ADCY1: variants seen among roughly 807,000 people sequenced by gnomAD.
ADCY1 encodes the protein adenylate cyclase type 1.
In ADCY1, 28 loss-of-function variants were observed where a neutral mutation model predicts 105.4. The ratio of observed to expected loss-of-function variants is 0.27; its 90% confidence interval spans 0.20 to 0.36. The LOEUF (loss-of-function observed/expected upper bound fraction) is 0.36, where lower values mean the gene tolerates loss of function less well. Among genes scored for constraint, ADCY1 ranks in the 10% least tolerant of loss-of-function variants. The probability of loss-of-function intolerance (pLI) is 1.00; values close to 1 mark genes in which losing one functional copy is unlikely to be tolerated. For synonymous variants in ADCY1, 655 were observed against 623.8 expected, an observed-to-expected ratio of 1.05 and a Z score of -0.75; for missense variants, 977 against 1,434.2, an observed-to-expected ratio of 0.68 and a Z score of 5.15.
chr7:45,630,708 C>T (rs1794221809), intron 4 of ADCY1, among the ~76,000 whole-genome samples: 1 of 152,184 alleles, frequency 6.6e-6, no homozygotes, highest in Non-Finnish European at 1.5e-5. Flanking sequence ...CCTCCTGCCT[C>T]ATTTTTATAA....
chr7:45,677,827 G>A, intron 8 of ADCY1, 42 bp from the exon 9 acceptor site: 1 of 1,588,424 alleles, frequency 6.3e-7, no homozygotes, highest in Non-Finnish European at 8.6e-7. Context: ...TTCAATAAGT[G>A]GAGAATTTGA....
rs938254758 is a variant in ADCY1, at chr7:45,686,659, C to T, written c.2440C>T (p.Leu814Phe). Residue 814 changes from leucine to phenylalanine, a missense_variant, in exon 14 of 20, where the codon CTC becomes TTC. Transcript: ENST00000297323. The surrounding 1 kb of genome is among the most constrained non-coding windows in gnomAD (Gnocchi z 4.3). The stretch of plus-strand genomic sequence containing the variant: ...GGACATCAGGCTGAGGCTGGACTAC[C>T]TCTGGGCCGCACAGGCAAGACGAGC... The part of the protein sequence containing the change: ...QVDIRLRLDY[L>F]WAAQAEEERE... 4 of 1,610,570 alleles carry T rather than the reference C, an allele frequency of 2.5e-6. No individual in the cohort carries two copies. In the African/African-American group the frequency reaches 4.0e-5, roughly 16 times the overall value.
chr7:45,629,612 G>A (rs978796063), intron 4 of ADCY1, among the ~76,000 whole-genome samples: 6 of 150,758 alleles, frequency 4.0e-5, no homozygotes, highest in Admixed American at 6.7e-5. Context: ...TCCGCTTCCC[G>A]GGTTCACGCC....
intron 1 of ADCY1, among the ~76,000 whole-genome samples, chr7:45,583,297 A>G (rs1792618366): frequency 6.6e-6 from 1 of 152,206 alleles, no homozygotes; most frequent in Non-Finnish European, 1.5e-5. Context: ...GAGCATTGGT[A>G]ACATTTAGAG....
rs1785506318 is a variant in ADCY1, at chr7:45,723,046, A to G, written c.*9051A>G. On this transcript the variant is annotated 3_prime_UTR_variant, in exon 20 of 20. Coordinates refer to ENST00000297323, the MANE Select transcript of ADCY1 (RefSeq NM_021116.4). The stretch of plus-strand genomic sequence containing the variant: ...TACATTTCTTAATTGCAACTTTTCT[A>G]CTGAGTGTTTGCACTATACTTTCTG... The G allele has an allele frequency of 6.6e-6, 1 of 152,612 alleles. No homozygotes were observed. Among genetic ancestry groups the G allele is most frequent in the African/African-American group, 2.4e-5 (1 of 41,448 alleles). 9.5% of individuals were successfully genotyped at this position (152,612 alleles called of 1,614,324 possible). A position where few individuals can be genotyped will look rare whatever the true frequency, so the allele number is the denominator to read the frequency against.
chr7:45,622,885 T>TG, intron 4 of ADCY1, 142 bp downstream of exon 4: 1 of 675,364 alleles, frequency 1.5e-6, no homozygotes, highest in Non-Finnish European at 2.5e-6. Context: ...AATCACCTGT[T>TG]GTTTTTAGCC....
rs116869056 is a variant in ADCY1, at chr7:45,670,636, G to A, written c.1606-7233G>A. ...TGTGTCCATCATTCCCTGATCCAGG[G>A]TGGACCTGTGTCCATCATTTTCTCA... is the stretch of plus-strand genomic sequence containing the variant. On this transcript the variant is annotated intron_variant, in intron 8 of 19. Coordinates refer to ENST00000297323, the MANE Select transcript of ADCY1 (RefSeq NM_021116.4). Among the ~76,000 whole-genome samples, 163 of 152,078 alleles carry A rather than the reference G, an allele frequency of 1.1e-3. 2 individuals are homozygous for A. In the East Asian group the frequency reaches 0.025, roughly 23 times the overall value.
intron 3 of ADCY1, among the ~76,000 whole-genome samples, chr7:45,619,309 G>A (rs1404833968): frequency 6.6e-6 from 1 of 152,080 alleles, no homozygotes; most frequent in African/African-American, 2.4e-5. Flanking sequence ...CATGTAGGGT[G>A]ACTATAGTAA....
rs544038944 is a variant in ADCY1, at chr7:45,622,661, C to T, written c.938C>T (p.Thr313Met). The change falls in exon 4 of 20, where the codon ACG becomes ATG. Residue 313 changes from threonine to methionine, a missense_variant. Coordinates refer to ENST00000297323, the MANE Select transcript of ADCY1 (RefSeq NM_021116.4). Reference sequence around the variant, plus strand: ...CTGTTTGCTGACATCGTGGGTTTCACGGGCTTGGCATCCCAGTGCACAGCC... The same window carrying T: ...CTGTTTGCTGACATCGTGGGTTTCATGGGCTTGGCATCCCAGTGCACAGCC... ...SILFADIVGF[T>M]GLASQCTAQE... The T allele has an allele frequency of 1.2e-6, 2 of 1,614,140 alleles. No individual in the cohort carries two copies. Among genetic ancestry groups the T allele is most frequent in the South Asian group, 1.1e-5 (1 of 91,070 alleles).
intron 14 of ADCY1, among the ~76,000 whole-genome samples, chr7:45,694,017 A>T (rs1784830175): frequency 7.7e-6 from 1 of 130,560 alleles, no homozygotes; most frequent in Non-Finnish European, 1.6e-5. Context: ...CTAATGCTAG[A>T]TGACACATTA....
At chr7:45,706,813 A>T (rs1165522391) in intron 17 of ADCY1, among the ~76,000 whole-genome samples, 1 of 152,216 alleles carries the variant, frequency 6.6e-6, no homozygotes, top group Non-Finnish European at 1.5e-5. Context: ...CCTATCTGAT[A>T]AAGGACTTGT....
At chr7:45,695,120 A>C (rs1784855230) in intron 14 of ADCY1, among the ~76,000 whole-genome samples, 1 of 152,366 alleles carries the variant, frequency 6.6e-6, no homozygotes, top group East Asian at 1.9e-4. Flanking sequence ...CTCTCCCAGC[A>C]GTATGCTGGG....
chr7:45,651,364 G>A (rs1794806364), intron 5 of ADCY1, among the ~76,000 whole-genome samples: 1 of 152,230 alleles, frequency 6.6e-6, no homozygotes, highest in Non-Finnish European at 1.5e-5. Flanking sequence ...GCCACATTGG[G>A]CTGTGTGTGT....
chr7:45,601,512 C>T (rs1315233228), intron 2 of ADCY1, among the ~76,000 whole-genome samples: 7 of 152,074 alleles, frequency 4.6e-5, no homozygotes, highest in Non-Finnish European at 1.0e-4. Context: ...ACTGCCACAA[C>T]TTTAGAGGCC....
chr7:45,693,665 C>T (rs910503681), intron 14 of ADCY1, among the ~76,000 whole-genome samples: 18 of 151,586 alleles, frequency 1.2e-4, no homozygotes, highest in African/African-American at 3.4e-4. Flanking sequence ...AACATGCACA[C>T]GTATGTTTAT....
Position 45,708,374 on chromosome 7 carries a change from C to T in ADCY1, c.2842C>T (p.Leu948=), listed in dbSNP as rs779982138. The T allele has an allele frequency of 3.1e-6, 5 of 1,614,214 alleles. No homozygotes were observed. The South Asian group carries it at 4.4e-5, about 14-fold the overall frequency. Residue 948 remains leucine, a synonymous_variant, in exon 18 of 20, where the codon CTG becomes TTG. Coordinates refer to ENST00000297323, the MANE Select transcript of ADCY1 (RefSeq NM_021116.4). The surrounding 1 kb of genome is among the most constrained non-coding windows in gnomAD (Gnocchi z 4.7). The part of the protein sequence containing the change: ...TKAKKSISSH[L]STLADFAIEM... ...GGCTAAGAAGTCCATCTCCTCCCAC[C>T]TGAGCACGCTGGCGGACTTTGCCAT...
intron 4 of ADCY1, 142 bp from the exon 5 acceptor site, chr7:45,648,528 T>C: frequency 1.8e-6 from 2 of 1,113,874 alleles, no homozygotes; most frequent in Non-Finnish European, 1.3e-6. Flanking sequence ...GGGTGTGGCC[T>C]GGGCGGGAAG....
At chr7:45,585,707 C>T (rs985566132) in intron 1 of ADCY1, among the ~76,000 whole-genome samples, 1 of 152,158 alleles carries the variant, frequency 6.6e-6, no homozygotes, top group East Asian at 1.9e-4. Context: ...CTCGGCCTCC[C>T]AAAGTGCTGG....
intron 14 of ADCY1, among the ~76,000 whole-genome samples, chr7:45,696,417 C>T (rs1049816164): frequency 1.8e-4 from 21 of 115,906 alleles, no homozygotes; most frequent in African/African-American, 3.5e-4. Context: ...CCAGCCTGGG[C>T]GACAGAGCTA....
Sources: allele counts gnomAD v4.1 joint callset (sites outside exome capture counted in the v4.1 genomes callset), GRCh38; gene constraint gnomAD v4.1.1; non-coding constraint Gnocchi (gnomAD v3.1); transcripts MANE v1.5; gene names NCBI Gene and HGNC (gene_info 2026-07-23, HGNC 2026-07-21).